Variants in PREX1 observed in about 807,000 individuals in gnomAD.
The protein encoded by PREX1 is phosphatidylinositol-3,4,5-trisphosphate dependent Rac exchange factor 1.
Under a neutral mutation model 198.3 loss-of-function variants are expected in PREX1, and 41 were observed. The observed-to-expected ratio is 0.21, with a 90% confidence interval of 0.16 to 0.27. PREX1 has a LOEUF of 0.27. Among genes scored for constraint, PREX1 ranks in the 10% least tolerant of loss-of-function variants. The probability of loss-of-function intolerance (pLI) is 1.00; values close to 1 mark genes in which losing one functional copy is unlikely to be tolerated. For missense variants in PREX1, 1,620 were observed against 2,200.7 expected, an observed-to-expected ratio of 0.74 and a Z score of 5.28; for synonymous variants, 843 against 887.2, an observed-to-expected ratio of 0.95 and a Z score of 0.89.
At chr20:48,638,947 C>G (rs1309273113) in intron 30 of PREX1, among the ~76,000 whole-genome samples, 2 of 152,218 alleles carry the variant, frequency 1.3e-5, no homozygotes, top group African/African-American at 4.8e-5. Flanking sequence ...TTTTGGAGAA[C>G]AGGACAGATC....
chr20:48,650,782 G>T, intron 23 of PREX1, 112 bp downstream of exon 23: 1 of 1,355,110 alleles, frequency 7.4e-7, no homozygotes. Context: ...ACATTCTCCT[G>T]TTTGTTTCAG....
intron 1 of PREX1, among the ~76,000 whole-genome samples, chr20:48,765,379 A>G (rs967615386): frequency 6.6e-6 from 1 of 152,234 alleles, no homozygotes; most frequent in Non-Finnish European, 1.5e-5. Flanking sequence ...CACTATTCAG[A>G]TCTATTCAGT....
intron 7 of PREX1, among the ~76,000 whole-genome samples, chr20:48,697,438 C>T (rs1016098920): frequency 3.3e-5 from 5 of 150,614 alleles, no homozygotes; most frequent in African/African-American, 9.8e-5. Flanking sequence ...TGGAGTGCAG[C>T]GGTGCCACCT....
the PREX1 span, among the ~76,000 whole-genome samples, chr20:48,856,008 G>A: frequency 4.6e-5 from 7 of 152,172 alleles, no homozygotes; most frequent in Admixed American, 2.0e-4. Context: ...ACGAGGGAGC[G>A]GCTGTTATTT....
chr20:48,831,450 T>C (rs1004434039), upstream of PREX1, among the ~76,000 whole-genome samples: 5 of 152,166 alleles, frequency 3.3e-5, no homozygotes, highest in Admixed American at 6.5e-5. Context: ...ACACTGGGCA[T>C]TGGGCGGGGT....
chr20:48,731,470 G>A (rs1234835652), intron 4 of PREX1, among the ~76,000 whole-genome samples: 4 of 152,186 alleles, frequency 2.6e-5, no homozygotes, highest in East Asian at 3.8e-4. Context: ...TCTTTAGCCC[G>A]TAGAATGATC....
intron 2 of PREX1, among the ~76,000 whole-genome samples, chr20:48,747,010 A>ACACC (rs1568848739): frequency 8.5e-6 from 1 of 117,854 alleles, no homozygotes; most frequent in East Asian, 3.0e-4. Context: ...ACACACACAC[A>ACACC]CCCCACCCCC....
the PREX1 span, among the ~76,000 whole-genome samples, chr20:48,865,036 TG>T: frequency 1.3e-4 from 20 of 151,516 alleles, no homozygotes; most frequent in Non-Finnish European, 2.2e-4. Context: ...GAGGCAGGGT[TG>T]GGGGGGGTCT....
At chr20:48,743,865 G>T (rs1194222320) in intron 3 of PREX1, among the ~76,000 whole-genome samples, 1 of 152,168 alleles carries the variant, frequency 6.6e-6, no homozygotes, top group East Asian at 1.9e-4. Flanking sequence ...ACTGCATCTT[G>T]GGGTAGTCTG....
At chr20:48,637,778 G>C in intron 30 of PREX1, 26 bp from the exon 31 acceptor site, 1 of 1,606,716 alleles carries the variant, frequency 6.2e-7, no homozygotes. Flanking sequence ...AGACAGAAAG[G>C]GGGACGGGCT....
the PREX1 span, among the ~76,000 whole-genome samples, chr20:48,834,664 C>A: frequency 6.6e-6 from 1 of 152,096 alleles, no homozygotes; most frequent in Non-Finnish European, 1.5e-5. Flanking sequence ...GGCTCAAACA[C>A]TCCTCCCATC....
At chr20:48,721,624 A>G (rs2089986174) in intron 5 of PREX1, among the ~76,000 whole-genome samples, 1 of 152,242 alleles carries the variant, frequency 6.6e-6, no homozygotes. Context: ...TGGCAACAGC[A>G]AAGAACTTGG....
chr20:48,739,598 A>G (rs1243727329), intron 3 of PREX1, among the ~76,000 whole-genome samples: 4 of 152,118 alleles, frequency 2.6e-5, no homozygotes, highest in African/African-American at 4.8e-5. Context: ...CATTTGTTAA[A>G]TTACCCTCTG....
At chr20:48,886,099 A>T in the PREX1 span, among the ~76,000 whole-genome samples, 1 of 152,198 alleles carries the variant, frequency 6.6e-6, no homozygotes, top group Non-Finnish European at 1.5e-5. Flanking sequence ...ATGTAGGTTC[A>T]TCAGTTGTAG....
intron 9 of PREX1, 93 bp downstream of exon 9, chr20:48,690,854 A>C: frequency 6.5e-7 from 1 of 1,542,130 alleles, no homozygotes; most frequent in Non-Finnish European, 8.8e-7. Flanking sequence ...CCTGAAAAGG[A>C]CCCTATGCCC....
chr20:48,693,912 T>C (rs1443690238), intron 7 of PREX1, among the ~76,000 whole-genome samples: 1 of 146,934 alleles, frequency 6.8e-6, no homozygotes, highest in African/African-American at 2.5e-5. Context: ...CGGCCTTATT[T>C]TATTTATTTA....
intron 1 of PREX1, among the ~76,000 whole-genome samples, chr20:48,787,150 C>T (rs1366548025): frequency 6.6e-6 from 1 of 152,096 alleles, no homozygotes; most frequent in East Asian, 1.9e-4. Context: ...ACCATGGTGA[C>T]GGGCGACAGT....
At chr20:48,872,472 G>A in the PREX1 span, among the ~76,000 whole-genome samples, 1 of 152,120 alleles carries the variant, frequency 6.6e-6, no homozygotes, top group Non-Finnish European at 1.5e-5. Flanking sequence ...GGCCGGGATC[G>A]GCAGCTCATG....
intron 5 of PREX1, among the ~76,000 whole-genome samples, chr20:48,712,494 C>G (rs1166459510): frequency 6.6e-6 from 1 of 152,240 alleles, no homozygotes; most frequent in East Asian, 1.9e-4. Context: ...CCTCCCAAAC[C>G]CTGGAAGTTG....
Sources: allele counts gnomAD v4.1 joint callset (sites outside exome capture counted in the v4.1 genomes callset), GRCh38; gene constraint gnomAD v4.1.1; transcripts MANE v1.5; gene names NCBI Gene and HGNC (gene_info 2026-07-23, HGNC 2026-07-21).